Variants in DNER observed in about 807,000 individuals in gnomAD.
DNER encodes delta and Notch-like epidermal growth factor-related receptor.
A neutral mutation model predicts 78.2 loss-of-function variants in DNER; 33 were observed. That is an observed-to-expected ratio of 0.42 (90% confidence interval 0.32 to 0.56). DNER has a LOEUF of 0.56. Among genes scored for constraint, DNER ranks in the 20% least tolerant of loss-of-function variants. The probability of loss-of-function intolerance (pLI) is 0.11; values close to 1 mark genes in which losing one functional copy is unlikely to be tolerated. For synonymous variants in DNER, 417 were observed against 384.8 expected, an observed-to-expected ratio of 1.08 and a Z score of -0.98; for missense variants, 918 against 975.3, an observed-to-expected ratio of 0.94 and a Z score of 0.78.
chr2:229,416,570 C>A (rs1397900126), intron 9 of DNER, among the ~76,000 whole-genome samples: 1 of 152,084 alleles, frequency 6.6e-6, no homozygotes, highest in South Asian at 2.1e-4. Flanking sequence ...AGACAGCAGC[C>A]CGTAGCCATG....
chr2:229,550,519 G>A (rs1696712936), intron 4 of DNER, among the ~76,000 whole-genome samples: 1 of 151,944 alleles, frequency 6.6e-6, no homozygotes, highest in Non-Finnish European at 1.5e-5. Context: ...GCTCATGCCT[G>A]TAATCTCAGC....
rs184439510 is a variant in DNER, at chr2:229,657,614, T to C, written c.276+56534A>G. 1.6e-3 allele frequency among the ~76,000 whole-genome samples: 241 copies of C among 152,344 alleles called. 1 individual carries two copies. Among genetic ancestry groups the C allele is most frequent in the African/African-American group, 5.5e-3 (230 of 41,580 alleles). ...TTCATTAGCTAAGTAATAGTCAACA[T>C]GCATTCAAATGTTTGCTTAGTGCCA... On this transcript the variant is annotated intron_variant, in intron 1 of 12. Coordinates refer to ENST00000341772, the MANE Select transcript of DNER (RefSeq NM_139072.4).
intron 11 of DNER, among the ~76,000 whole-genome samples, chr2:229,382,232 G>A (rs1190693710): frequency 6.6e-6 from 1 of 152,136 alleles, no homozygotes; most frequent in East Asian, 1.9e-4. Context: ...TCAACAAAAA[G>A]GATGTCCACA....
chr2:229,615,286 C>T (rs1698131643), intron 1 of DNER, among the ~76,000 whole-genome samples: 1 of 151,926 alleles, frequency 6.6e-6, no homozygotes, highest in Non-Finnish European at 1.5e-5. Flanking sequence ...TGGCACATGC[C>T]TGTAATCCCA....
intron 6 of DNER, among the ~76,000 whole-genome samples, chr2:229,501,005 G>A (rs1695609972): frequency 6.6e-6 from 1 of 152,102 alleles, no homozygotes; most frequent in South Asian, 2.1e-4. Context: ...TCAACCTGGA[G>A]GACATTGTGC....
chr2:229,640,964 T>C (rs1698611002), intron 1 of DNER, among the ~76,000 whole-genome samples: 1 of 152,152 alleles, frequency 6.6e-6, no homozygotes, highest in Non-Finnish European at 1.5e-5. Context: ...ATGGAGCACA[T>C]GGCTTCCACT....
chr2:229,363,877 T>C (rs1692275539), intron 12 of DNER, among the ~76,000 whole-genome samples: 1 of 150,700 alleles, frequency 6.6e-6, no homozygotes, highest in South Asian at 2.1e-4. Context: ...TCCCAACACA[T>C]GAGAATACAA....
intron 1 of DNER, among the ~76,000 whole-genome samples, chr2:229,682,400 A>G (rs1216844487): frequency 3.3e-5 from 5 of 152,208 alleles, no homozygotes; most frequent in Admixed American, 6.5e-5. Flanking sequence ...TTGCTTCTCA[A>G]ACTGTAGCTA....
At chr2:229,584,356 T>C (rs1697457988) in intron 4 of DNER, among the ~76,000 whole-genome samples, 1 of 152,198 alleles carries the variant, frequency 6.6e-6, no homozygotes, top group South Asian at 2.1e-4. Flanking sequence ...AGAAGTTGCC[T>C]GGGTGCATTG....
intron 6 of DNER, among the ~76,000 whole-genome samples, chr2:229,506,465 T>C (rs537595670): frequency 6.6e-6 from 1 of 152,064 alleles, no homozygotes; most frequent in South Asian, 2.1e-4. Flanking sequence ...GGAGTCTAAG[T>C]ACAATTATCA....
chr2:229,477,835 TAATTCACA>T (rs1199768211), intron 6 of DNER, among the ~76,000 whole-genome samples: 2 of 152,216 alleles, frequency 1.3e-5, no homozygotes, highest in African/African-American at 4.8e-5. Context: ...TATACCTACT[TAATTCACA>T]AATCCAACTA....
intron 8 of DNER, among the ~76,000 whole-genome samples, chr2:229,435,941 A>C (rs772997972): frequency 6.6e-6 from 1 of 152,184 alleles, no homozygotes; most frequent in African/African-American, 2.4e-5. Context: ...AGTTAACAAC[A>C]TTTGATTGTG....
At chr2:229,644,651 T>A (rs1365599819) in intron 1 of DNER, among the ~76,000 whole-genome samples, 1 of 152,078 alleles carries the variant, frequency 6.6e-6, no homozygotes, top group Non-Finnish European at 1.5e-5. Context: ...CAGTATTGTG[T>A]TAAGTATAGA....
chr2:229,525,183 T>G (rs965193879), intron 5 of DNER, among the ~76,000 whole-genome samples: 2 of 152,224 alleles, frequency 1.3e-5, no homozygotes, highest in African/African-American at 4.8e-5. Flanking sequence ...CCTTCTTCTG[T>G]GCATGTATAA....
intron 1 of DNER, among the ~76,000 whole-genome samples, chr2:229,605,436 T>C (rs756121263): frequency 3.7e-4 from 57 of 152,230 alleles, no homozygotes; most frequent in Non-Finnish European, 6.0e-4. Flanking sequence ...TCTACAGTAC[T>C]GATCATTCAA....
chr2:229,425,062 G>C (rs944084379), intron 8 of DNER, among the ~76,000 whole-genome samples: 9 of 152,154 alleles, frequency 5.9e-5, no homozygotes, highest in African/African-American at 2.2e-4. Context: ...TGAAGGGTGA[G>C]AGTTCATTCA....
chr2:229,696,643 T>G (rs1224826908), intron 1 of DNER, among the ~76,000 whole-genome samples: 2 of 152,138 alleles, frequency 1.3e-5, no homozygotes, highest in Non-Finnish European at 2.9e-5. Flanking sequence ...GCAGCATTCA[T>G]GGCCTAGGCT....
At chr2:229,378,672 G>A (rs1013132627) in intron 11 of DNER, among the ~76,000 whole-genome samples, 12 of 152,154 alleles carry the variant, frequency 7.9e-5, no homozygotes, top group Non-Finnish European at 1.3e-4. Flanking sequence ...TAGACTTTGA[G>A]ATATCCAGGC....
chr2:229,486,040 C>T (rs1695264172), intron 6 of DNER, among the ~76,000 whole-genome samples: 1 of 152,122 alleles, frequency 6.6e-6, no homozygotes, highest in African/African-American at 2.4e-5. Flanking sequence ...AGCTCTCACC[C>T]TGGGGGGATC....
Sources: allele counts gnomAD v4.1 joint callset (sites outside exome capture counted in the v4.1 genomes callset), GRCh38; gene constraint gnomAD v4.1.1; transcripts MANE v1.5; gene names NCBI Gene and HGNC (gene_info 2026-07-23, HGNC 2026-07-21).